SPHK2: variants seen among roughly 807,000 people sequenced by gnomAD.
SPHK2 encodes the protein sphingosine kinase 2.
A neutral mutation model predicts 32.3 loss-of-function variants in SPHK2; 18 were observed. That is an observed-to-expected ratio of 0.56 (90% CI 0.39 to 0.83). The LOEUF is 0.83. SPHK2 is among the 40% of genes least tolerant of loss of function. SPHK2 has a pLI of 0.00. For synonymous variants in SPHK2, 462 were observed against 417.6 expected (o/e 1.11, Z -1.30); for missense variants, 850 against 908.7 (o/e 0.94, Z 0.83).
intron 2 of SPHK2, chr19:48,625,576 G>T: frequency 7.1e-7 from 1 of 1,403,336 alleles, no homozygotes; most frequent in Non-Finnish European, 9.4e-7. Flanking sequence ...TGAAGGCAAG[G>T]ATTTGGGGCT....
At chr19:48,627,289 G>A (rs2029998011) in intron 3 of SPHK2, among the ~76,000 whole-genome samples, 1 of 152,236 alleles carries the variant, frequency 6.6e-6, no homozygotes, top group South Asian at 2.1e-4. Context: ...AGCAGCCTGA[G>A]ACAGGACCAG....
At chr19:48,619,926 GAGA>G (rs1974334241) in intron 1 of SPHK2, 1 of 153,612 alleles carries the variant, frequency 6.5e-6, no homozygotes. Context: ...GAGACCCAGG[GAGA>G]AGTAGTGGCA....
In SPHK2 at chr19:48,627,827, A is replaced by C; in HGVS notation, c.647A>C (p.Asn216Thr). 1 of 1,612,308 alleles carries C rather than the reference A, an allele frequency of 6.2e-7. No individual in the cohort carries two copies. The highest frequency in any genetic ancestry group is 1.7e-5 in the Admixed American group (1 of 59,824). The change falls in exon 4 of 7, where the codon AAC becomes ACC. Residue 216 changes from asparagine to threonine, a missense_variant. Physicochemically the swap from Asn to Thr is moderately conservative, Grantham distance 65 (BLOSUM62 0). Transcript: ENST00000245222. ...PMISEAGLSF[N>T]LIQTERQNHA... The stretch of plus-strand genomic sequence containing the variant: ...ATCTCTGAAGCTGGGCTGTCCTTCA[A>C]CCTCATCCAGACAGGTAAGGGCCAG...
chr19:48,629,208 C>T lies in SPHK2; in HGVS notation c.1400C>T (p.Pro467Leu), dbSNP rs11544356. ...GGGGCTGGGGATGCTCCGCTGTCCC[C>T]GGACCCACTGCTGTCTTCACCTCCT... ...WGGAGDAPLS[P>L]DPLLSSPPGS... Residue 467 changes from proline (P) to leucine (L), a missense_variant, in exon 7 of 7, where the codon CCG (proline) becomes CTG (leucine). By Grantham distance (98) the Pro-to-Leu change is moderately conservative (BLOSUM62 -3). Transcript: ENST00000245222. 6.2e-6 allele frequency: 10 copies of T among 1,613,450 alleles called. No homozygotes were observed. Among genetic ancestry groups the T allele is most frequent in the African/African-American group, 1.3e-5 (1 of 74,926 alleles).
Position 48,625,969 on chromosome 19 carries a change from C to T in SPHK2, c.118C>T (p.Pro40Ser). 1.9e-6 allele frequency: 3 copies of T among 1,612,650 alleles called. No individual in the cohort carries two copies. The highest frequency in any genetic ancestry group is 2.5e-6 in the Non-Finnish European group (3 of 1,179,780). Reference protein sequence around the residue: ...TLVRAKAMAPPPPPLAASTPL... With the variant: ...TLVRAKAMAPSPPPLAASTPL... ...GGTCAGGGCTAAGGCCATGGCCCCG[C>T]CCCCACCGCCACTGGCTGCCAGCAC... The change falls in exon 3 of 7, where the codon CCC becomes TCC. Residue 40 changes from proline to serine, a missense_variant. By Grantham distance (74) the Pro-to-Ser change is moderately conservative. This residue lies in a region of SPHK2 where 544 missense variants were observed against 640.0 expected (regional missense o/e 0.85). Transcript: ENST00000245222.
intron 2 of SPHK2, 63 bp from the exon 3 acceptor site, chr19:48,625,828 G>T: frequency 6.4e-7 from 1 of 1,567,534 alleles, no homozygotes. Context: ...CACAGCCCCT[G>T]CCCCTCCCTG....
intron 2 of SPHK2, among the ~76,000 whole-genome samples, chr19:48,621,991 C>G (rs1165143586): frequency 1.3e-5 from 2 of 152,074 alleles, no homozygotes; most frequent in Non-Finnish European, 2.9e-5. Context: ...CGCAGTGGCT[C>G]ACGCCTGTAA....
chr19:48,626,226 CGGGGCCCGGCGCAGAG>C lies in SPHK2; in HGVS notation c.376_391del (p.Gly126ProfsTer77). On this transcript the variant is annotated frameshift_variant, in exon 3 of 7. Transcript: ENST00000245222. LOFTEE classifies it high-confidence loss of function. ...TCTACACCTACCCTCGGGGCCGGCG[CGGGGCCCGGCGCAGAG>C]CCACTCGCACCTTCCGGGCAGATGG... The C allele has an allele frequency of 6.3e-7, 1 of 1,594,512 alleles. No homozygotes were observed. Among genetic ancestry groups the C allele is most frequent in the Non-Finnish European group, 8.5e-7 (1 of 1,176,484 alleles).
At chr19:48,622,999 C>G (rs1038351009) in intron 2 of SPHK2, among the ~76,000 whole-genome samples, 1 of 151,262 alleles carries the variant, frequency 6.6e-6, no homozygotes, top group African/African-American at 2.4e-5. Flanking sequence ...AATCCCAGCA[C>G]TTTGGGAGGC....
Position 48,628,365 on chromosome 19 carries a change from C to T in SPHK2, c.872+88C>T. On this transcript the variant is annotated intron_variant, in intron 6 of 6. Coordinates refer to ENST00000245222, the MANE Select transcript of SPHK2 (RefSeq NM_020126.5). This position sits in a 1 kb window ranked among gnomAD's most constrained non-coding sequence, Gnocchi z 5.2. ...TCTCCCACTCAGCCAAACCCACAGT[C>T]AGTCAAGTAAATCAGCCTGCCTGTG... The T allele has an allele frequency of 7.8e-7, 1 of 1,285,156 alleles. No individual in the cohort carries two copies. Among genetic ancestry groups the T allele is most frequent in the Non-Finnish European group, 1.1e-6 (1 of 891,322 alleles). The allele number at this position is 1,285,156 out of a possible 1,614,324, so 79.6% of individuals were successfully genotyped here. A position where few individuals can be genotyped will look rare whatever the true frequency, so the allele number is the denominator to read the frequency against.
chr19:48,625,695 CG>C (rs1568430783), intron 2 of SPHK2, 195 bp from the exon 3 acceptor site: 1 of 1,534,864 alleles, frequency 6.5e-7, no homozygotes, highest in Non-Finnish European at 8.7e-7. Flanking sequence ...CCCGGGTCTC[CG>C]GCCCCCTCTG....
In SPHK2 at chr19:48,620,633, A is replaced by G. The variant is rs1390046325; in HGVS notation, c.39+80A>G. 5.2e-6 allele frequency: 7 copies of G among 1,344,022 alleles called. No homozygotes were observed. In the Admixed American group the frequency reaches 1.0e-4, roughly 19 times the overall value. The allele number at this position is 1,344,022 out of a possible 1,614,324, so 83.3% of individuals were successfully genotyped here. On this transcript the variant is annotated intron_variant, in intron 2 of 6. Transcript: ENST00000245222. ...AGCTTTTCTTTAAAAAAAAAAAAAA[A>G]AAATTGGAGGCCAGGCGTGGTAGCT...
intron 2 of SPHK2, among the ~76,000 whole-genome samples, chr19:48,622,175 C>T (rs1463651372): frequency 2.0e-5 from 3 of 150,472 alleles, no homozygotes; most frequent in Admixed American, 1.3e-4. Context: ...AGGAGAATGG[C>T]GTGAACCCGG....
intron 3 of SPHK2, chr19:48,626,583 G>C (rs2029916118): frequency 5.5e-6 from 3 of 545,408 alleles, no homozygotes; most frequent in African/African-American, 2.0e-5. Context: ...GGGAGGCTGA[G>C]GCGGGTGGAT....
chr19:48,625,383 C>G (rs1974564876), intron 2 of SPHK2: 1 of 1,170,578 alleles, frequency 8.5e-7, no homozygotes, highest in African/African-American at 1.6e-5. Context: ...GCTGTTTTAC[C>G]CACTGCACCG....
rs771251683 is a variant in SPHK2, at chr19:48,626,291, G to A, written c.440G>A (p.Arg147His). 1.2e-5 allele frequency: 19 copies of A among 1,594,722 alleles called. No individual in the cohort carries two copies. The highest frequency in any genetic ancestry group is 1.6e-4 in the Middle Eastern group (1 of 6,072). The change falls in exon 3 of 7, where the codon CGT (arginine) becomes CAT (histidine). Residue 147 changes from arginine to histidine, a missense_variant. Around this residue, in one of 2 missense-constraint regions of SPHK2, gnomAD observed 544 missense variants for 640.0 expected, o/e 0.85. Transcript: ENST00000245222. Reference protein sequence around the residue: ...ADGAATYEENRAEAQRWATAL... With the variant: ...ADGAATYEENHAEAQRWATAL... The stretch of plus-strand genomic sequence containing the variant: ...GGGGCCGCCACCTACGAAGAGAACC[G>A]TGCCGAGGCCCAGCGCTGGGCCACT...
At position 48,628,047 on chromosome 19, in the gene SPHK2, C is replaced by T. The variant is rs1472283758; in HGVS notation, c.734C>T (p.Ser245Leu). The T allele has an allele frequency of 3.1e-6, 5 of 1,594,234 alleles. No homozygotes were observed. The highest frequency in any genetic ancestry group is 1.3e-5 in the African/African-American group (1 of 74,582). The change falls in exon 5 of 7, where the codon TCG becomes TTG. Residue 245 changes from serine to leucine, a missense_variant. Physicochemically the swap from Ser to Leu is moderately radical, Grantham distance 145. Coordinates refer to ENST00000245222, the MANE Select transcript of SPHK2 (RefSeq NM_020126.5). The surrounding 1 kb of genome is among the most constrained non-coding windows in gnomAD (Gnocchi z 5.2). The part of the protein sequence containing the change: ...LSEWDGIVTV[S>L]GDGLLHEVLN... ...GAGTGGGATGGCATCGTCACGGTCT[C>T]GGGAGACGGGCTGCTCCATGAGGTA...
chr19:48,630,333 G>C lies in SPHK2; in HGVS notation c.*560G>C. On this transcript the variant is annotated 3_prime_UTR_variant, in exon 7 of 7. Transcript: ENST00000245222. This position sits in a 1 kb window ranked among gnomAD's most constrained non-coding sequence, Gnocchi z 4.9. ...TTCATATCCCCTGTTCGTCTCATGC[G>C]CGTCCTCCGTCCCCAATCTAAAAAG... is the stretch of plus-strand genomic sequence containing the variant. 1 of 1,308,356 alleles carries C rather than the reference G, an allele frequency of 7.6e-7. No individual in the cohort carries two copies. The allele number at this position is 1,308,356 out of a possible 1,614,324, so 81.0% of individuals were successfully genotyped here. A position where few individuals can be genotyped will look rare whatever the true frequency, so the allele number is the denominator to read the frequency against.
chr19:48,630,344 C>G lies in SPHK2; in HGVS notation c.*571C>G, dbSNP rs544816959. ...TGTTCGTCTCATGCGCGTCCTCCGTCCCCAATCTAAAAAGCAATTGAAAAG... is the reference window on the plus strand; with the variant it reads ...TGTTCGTCTCATGCGCGTCCTCCGTGCCCAATCTAAAAAGCAATTGAAAAG... On this transcript the variant is annotated 3_prime_UTR_variant, in exon 7 of 7. Coordinates refer to ENST00000245222, the MANE Select transcript of SPHK2 (RefSeq NM_020126.5). The surrounding 1 kb of genome is among the most constrained non-coding windows in gnomAD (Gnocchi z 4.9). 2 of 1,311,876 alleles carry G rather than the reference C, an allele frequency of 1.5e-6. No homozygotes were observed. The highest frequency in any genetic ancestry group is 7.3e-5 in the Admixed American group (2 of 27,212). The allele number at this position is 1,311,876 out of a possible 1,614,324, so 81.3% of individuals were successfully genotyped here.
Sources: allele counts gnomAD v4.1 joint callset (sites outside exome capture counted in the v4.1 genomes callset), GRCh38; gene constraint gnomAD v4.1.1; regional missense constraint gnomAD v4.1.1; non-coding constraint Gnocchi (gnomAD v3.1); transcripts MANE v1.5; gene names NCBI Gene and HGNC (gene_info 2026-07-23, HGNC 2026-07-21).